BANK1: variants seen among roughly 807,000 people sequenced by gnomAD.
The protein encoded by BANK1 is B-cell scaffold protein with ankyrin repeats.
A neutral mutation model predicts 94.5 loss-of-function variants in BANK1; 95 were observed. The ratio of observed to expected loss-of-function variants is 1.00; its 90% CI spans 0.85 to 1.19. BANK1 has a LOEUF of 1.19. Among genes scored for constraint, BANK1 ranks in the 50% most tolerant of loss-of-function variants. The pLI is 0.00. For synonymous variants in BANK1, 334 were observed against 308.4 expected (o/e 1.08, Z -0.87); for missense variants, 987 against 932.2 (o/e 1.06, Z -0.77).
At chr4:102,012,027 T>C (rs1726528105) in intron 7 of BANK1, among the ~76,000 whole-genome samples, 1 of 152,178 alleles carries the variant, frequency 6.6e-6, no homozygotes, top group Non-Finnish European at 1.5e-5. Flanking sequence ...ATGAAGGATA[T>C]GTATGTATGT....
intron 7 of BANK1, among the ~76,000 whole-genome samples, chr4:101,973,184 A>C (rs889304134): frequency 6.6e-6 from 1 of 152,076 alleles, no homozygotes; most frequent in African/African-American, 2.4e-5. Context: ...ATTTGAGGTG[A>C]TGGATATGTT....
Position 101,910,964 on chromosome 4 carries a change from C to T in BANK1, c.1010-7029C>T, listed in dbSNP as rs535262706. ...ACTACAAAAATAAGTGCCATGAATA[C>T]AGTGTGTGCACTACACATAGTACTT... is the stretch of plus-strand genomic sequence containing the variant. On this transcript the variant is annotated intron_variant, in intron 6 of 16. Transcript: ENST00000322953. 2.0e-5 allele frequency among the ~76,000 whole-genome samples: 3 copies of T among 152,310 alleles called. 1 individual carries two copies. The South Asian group carries it at 6.2e-4, about 32-fold the overall frequency.
intron 7 of BANK1, among the ~76,000 whole-genome samples, chr4:101,949,231 C>T (rs568598375): frequency 6.6e-6 from 1 of 152,232 alleles, no homozygotes; most frequent in East Asian, 1.9e-4. Flanking sequence ...TATTCTCATC[C>T]TAACCTGGAC....
intron 13 of BANK1, among the ~76,000 whole-genome samples, chr4:102,069,136 TAAGGA>T (rs1728680358): frequency 6.6e-6 from 1 of 152,184 alleles, no homozygotes; most frequent in African/African-American, 2.4e-5. Context: ...CAGTTATAAT[TAAGGA>T]AAGAAGAAGG....
intron 7 of BANK1, among the ~76,000 whole-genome samples, chr4:101,997,771 C>T (rs1429713624): frequency 6.6e-6 from 1 of 151,878 alleles, no homozygotes; most frequent in Admixed American, 6.6e-5. Context: ...GGTAATATCC[C>T]CTTTGTCATT....
intron 7 of BANK1, among the ~76,000 whole-genome samples, chr4:102,019,965 T>C (rs1726837436): frequency 6.6e-6 from 1 of 152,190 alleles, no homozygotes; most frequent in Non-Finnish European, 1.5e-5. Flanking sequence ...TTTGGCTTTT[T>C]GTACAAATGT....
chr4:101,918,220 A>G lies in BANK1; in HGVS notation c.1206+31A>G, dbSNP rs768853989. On this transcript the variant is annotated intron_variant, in intron 7 of 16. Transcript: ENST00000322953. ...TTTTTTTTTTAAATTATATCTCTGTATATTCTGTTTGATATTGTAGAAGAG... is the reference window on the plus strand; with the variant it reads ...TTTTTTTTTTAAATTATATCTCTGTGTATTCTGTTTGATATTGTAGAAGAG... 2.1e-6 allele frequency: 3 copies of G among 1,442,010 alleles called. No individual in the cohort carries two copies. The South Asian group carries it at 4.3e-5, about 21-fold the overall frequency. 89.3% of individuals were successfully genotyped at this position (1,442,010 alleles called of 1,614,324 possible). A position where few individuals can be genotyped will look rare whatever the true frequency, so the allele number is the denominator to read the frequency against.
chr4:102,053,721 T>G (rs996052682), intron 11 of BANK1, among the ~76,000 whole-genome samples: 1 of 151,806 alleles, frequency 6.6e-6, no homozygotes, highest in African/African-American at 2.4e-5. Flanking sequence ...TTATTGTAAA[T>G]TTATTTATAA....
chr4:102,017,883 C>A (rs1358466428), intron 7 of BANK1, among the ~76,000 whole-genome samples: 2 of 152,138 alleles, frequency 1.3e-5, no homozygotes, highest in African/African-American at 4.8e-5. Context: ...TTGAGTTTAA[C>A]AGCTTTATTT....
rs59656969 is a variant in BANK1 at position 101,980,556 on chromosome 4, G to C, written c.1207-40958G>C. ...CTCCCGTTGCTCTTCTTTTGCAGAAGCTTTTTGGATATTCTTATTTATATT... is the reference window on the plus strand; with the variant it reads ...CTCCCGTTGCTCTTCTTTTGCAGAACCTTTTTGGATATTCTTATTTATATT... On this transcript the variant is annotated intron_variant, in intron 7 of 16. Coordinates refer to ENST00000322953, the MANE Select transcript of BANK1 (RefSeq NM_017935.5). Among the ~76,000 whole-genome samples, 845 of 151,742 alleles carry C rather than the reference G, an allele frequency of 5.6e-3. 13 individuals are homozygous for C. The East Asian group carries it at 0.057, about 10-fold the overall frequency.
Position 102,072,335 on chromosome 4 carries a change from G to C in BANK1, c.2243-10G>C. ...GAATAAAGAGGTAATAACTGAGTTTGTATTTCTAGGTAAGGAAACTGCCCA... is the reference window on the plus strand; with the variant it reads ...GAATAAAGAGGTAATAACTGAGTTTCTATTTCTAGGTAAGGAAACTGCCCA... On this transcript the variant is annotated splice_polypyrimidine_tract_variant and intron_variant, in intron 14 of 16. Transcript: ENST00000322953. 1 of 1,564,448 alleles carries C rather than the reference G, an allele frequency of 6.4e-7. No homozygotes were observed. Among genetic ancestry groups the C allele is most frequent in the South Asian group, 1.1e-5 (1 of 89,160 alleles).
rs113297788 is a variant in BANK1, at chr4:101,819,294, A to C, written c.71-10514A>C. Reference sequence around the variant, plus strand: ...GTCACTCTGACAAAGGCTTGGAGGAAGATTTATGGTACCCATGCTTAGCAG... The same window carrying C: ...GTCACTCTGACAAAGGCTTGGAGGACGATTTATGGTACCCATGCTTAGCAG... On this transcript the variant is annotated intron_variant, in intron 1 of 16. Transcript: ENST00000322953. 7.9e-3 allele frequency among the ~76,000 whole-genome samples: 1,200 copies of C among 152,262 alleles called. 20 individuals carry two copies. Among genetic ancestry groups the C allele is most frequent in the African/African-American group, 0.027 (1,128 of 41,550 alleles).
chr4:102,019,150 T>C (rs952648773), intron 7 of BANK1, among the ~76,000 whole-genome samples: 2 of 152,188 alleles, frequency 1.3e-5, no homozygotes, highest in Admixed American at 6.5e-5. Flanking sequence ...AAATAAAATA[T>C]TGTATTCTAA....
intron 7 of BANK1, among the ~76,000 whole-genome samples, chr4:101,939,190 T>C (rs1723665236): frequency 6.6e-6 from 1 of 151,720 alleles, no homozygotes; most frequent in Non-Finnish European, 1.5e-5. Context: ...TTAAATTAGA[T>C]GTTTTAAAGG....
intron 5 of BANK1, among the ~76,000 whole-genome samples, chr4:101,887,557 A>G (rs1728900165): frequency 1.3e-5 from 2 of 152,160 alleles, no homozygotes; most frequent in South Asian, 4.1e-4. Flanking sequence ...TTACATTTAA[A>G]CTTCTAAAAA....
chr4:101,971,297 G>A (rs1234876579), intron 7 of BANK1, among the ~76,000 whole-genome samples: 1 of 152,042 alleles, frequency 6.6e-6, no homozygotes, highest in African/African-American at 2.4e-5. Flanking sequence ...AAGAAAATGT[G>A]TAAAAAACAG....
chr4:102,051,568 GTTAA>G (rs1728046631), intron 11 of BANK1, among the ~76,000 whole-genome samples: 1 of 152,038 alleles, frequency 6.6e-6, no homozygotes, highest in Non-Finnish European at 1.5e-5. Context: ...GTTGAGAAAA[GTTAA>G]TTGAGACAAA....
At chr4:102,018,659 A>G (rs866021449) in intron 7 of BANK1, among the ~76,000 whole-genome samples, 3 of 152,212 alleles carry the variant, frequency 2.0e-5, no homozygotes, top group Non-Finnish European at 4.4e-5. Context: ...TACATTAAGC[A>G]TGTTCAGCTA....
intron 10 of BANK1, among the ~76,000 whole-genome samples, chr4:102,035,415 G>A (rs534010161): frequency 9.2e-4 from 140 of 152,076 alleles, no homozygotes; most frequent in Non-Finnish European, 1.5e-3. Flanking sequence ...TTGGGAGGCC[G>A]AGGCGGGCGG....
Sources: allele counts gnomAD v4.1 joint callset (sites outside exome capture counted in the v4.1 genomes callset), GRCh38; gene constraint gnomAD v4.1.1; transcripts MANE v1.5; gene names NCBI Gene and HGNC (gene_info 2026-07-23, HGNC 2026-07-21).